The following HCN1 variants were observed in gnomAD, a reference collection of about 807,000 sequenced individuals.
The protein encoded by HCN1 is potassium/sodium hyperpolarization-activated cyclic nucleotide-gated channel 1.
A neutral mutation model predicts 78.9 loss-of-function variants in HCN1; 13 were observed. That is an observed-to-expected ratio of 0.16 (90% CI 0.11 to 0.26). HCN1 has a LOEUF of 0.26. Among genes scored for constraint, HCN1 ranks in the 10% least tolerant of loss-of-function variants. The pLI is 1.00. For synonymous variants in HCN1, 552 were observed against 455.5 expected (o/e 1.21, Z -2.70); for missense variants, 810 against 1,154.3 (o/e 0.70, Z 4.32).
intron 5 of HCN1, among the ~76,000 whole-genome samples, chr5:45,310,193 C>T (rs555955604): frequency 6.6e-6 from 1 of 152,172 alleles, no homozygotes; most frequent in South Asian, 2.1e-4. Flanking sequence ...AGAGCTTCTA[C>T]ACACCAAAAT....
intron 2 of HCN1, among the ~76,000 whole-genome samples, chr5:45,515,642 G>T (rs1016137017): frequency 6.6e-6 from 1 of 151,916 alleles, no homozygotes; most frequent in Non-Finnish European, 1.5e-5. Context: ...TTCCTGCAAT[G>T]ATACCATAAG....
At chr5:45,282,324 G>T (rs747662729) in intron 6 of HCN1, among the ~76,000 whole-genome samples, 2 of 152,098 alleles carry the variant, frequency 1.3e-5, no homozygotes, top group Non-Finnish European at 1.5e-5. Flanking sequence ...TTTCTTATAT[G>T]TTATCTTGAG....
chr5:45,275,918 G>A (rs562534025), intron 6 of HCN1, among the ~76,000 whole-genome samples: 3 of 152,066 alleles, frequency 2.0e-5, no homozygotes, highest in South Asian at 4.1e-4. Context: ...CACTCAAGTC[G>A]TCAAAAGTTA....
At chr5:45,475,904 GA>G (rs1474933808) in intron 2 of HCN1, among the ~76,000 whole-genome samples, 1 of 152,038 alleles carries the variant, frequency 6.6e-6, no homozygotes. Context: ...TCTTCAAAAA[GA>G]ATCAGCATTT....
At chr5:45,490,619 A>G (rs1462791229) in intron 2 of HCN1, among the ~76,000 whole-genome samples, 1 of 152,170 alleles carries the variant, frequency 6.6e-6, no homozygotes. Flanking sequence ...AATCATAAAT[A>G]TTAAAGTGTT....
rs1434721081 is a variant in HCN1 at position 45,256,430 on chromosome 5, A to G, written c.*5491T>C. 1 of 151,910 alleles carries G rather than the reference A, an allele frequency of 6.6e-6. No individual in the cohort carries two copies. The highest frequency in any genetic ancestry group is 1.9e-4 in the East Asian group (1 of 5,192). The allele number at this position is 151,910 out of a possible 1,614,324, so 9.4% of individuals were successfully genotyped here. On this transcript the variant is annotated 3_prime_UTR_variant, in exon 8 of 8. Transcript: ENST00000303230. Reference sequence around the variant, plus strand: ...GGGAGTAAATGGCCATTGATGTTACATTAGAAATATAATAGCTCCAAAGAA... The same window carrying G: ...GGGAGTAAATGGCCATTGATGTTACGTTAGAAATATAATAGCTCCAAAGAA...
chr5:45,431,802 T>C (rs756343778), intron 3 of HCN1, among the ~76,000 whole-genome samples: 1 of 152,152 alleles, frequency 6.6e-6, no homozygotes, highest in African/African-American at 2.4e-5. Context: ...TGTACCTTTT[T>C]TTGTAGCGCC....
intron 6 of HCN1, among the ~76,000 whole-genome samples, chr5:45,272,212 G>A (rs1744973722): frequency 6.6e-6 from 1 of 151,922 alleles, no homozygotes. Context: ...CCTTTGTTAG[G>A]TGTTACAGAG....
intron 2 of HCN1, chr5:45,558,555 A>T (rs1019254760): frequency 2.6e-5 from 4 of 152,158 alleles, no homozygotes; most frequent in African/African-American, 9.7e-5. Flanking sequence ...TTTGATAGGT[A>T]GAGAGAAATC....
At chr5:45,311,378 AC>A (rs1023688042) in intron 5 of HCN1, among the ~76,000 whole-genome samples, 11 of 152,312 alleles carry the variant, frequency 7.2e-5, no homozygotes, top group African/African-American at 2.4e-4. Context: ...TTCAAATGTT[AC>A]TATTTAAAAT....
chr5:45,270,887 G>T (rs1407400890), intron 6 of HCN1, among the ~76,000 whole-genome samples: 1 of 152,086 alleles, frequency 6.6e-6, no homozygotes, highest in African/African-American at 2.4e-5. Flanking sequence ...TATAAGTTTA[G>T]TCAAATTTTT....
At chr5:45,470,206 G>T (rs978914736) in intron 2 of HCN1, among the ~76,000 whole-genome samples, 2 of 151,938 alleles carry the variant, frequency 1.3e-5, no homozygotes, top group Non-Finnish European at 1.5e-5. Context: ...ATTTGAGTGG[G>T]TTTGTGTCAG....
chr5:45,683,811 C>T (rs1711616129), intron 1 of HCN1, among the ~76,000 whole-genome samples: 1 of 152,030 alleles, frequency 6.6e-6, no homozygotes, highest in South Asian at 2.1e-4. Context: ...GCTGGGACTA[C>T]AGGCATGCAT....
intron 3 of HCN1, among the ~76,000 whole-genome samples, chr5:45,445,681 G>C (rs1264984921): frequency 6.6e-6 from 1 of 152,126 alleles, no homozygotes; most frequent in South Asian, 2.1e-4. Context: ...GTACTCCTCT[G>C]AGACAAAACT....
At chr5:45,407,708 AT>A (rs1270631072) in intron 3 of HCN1, among the ~76,000 whole-genome samples, 1 of 151,842 alleles carries the variant, frequency 6.6e-6, no homozygotes, top group Non-Finnish European at 1.5e-5. Flanking sequence ...TTTAGTAGAG[AT>A]GGTGTTTTAC....
chr5:45,652,230 G>A (rs912025879), intron 1 of HCN1, among the ~76,000 whole-genome samples: 1 of 151,734 alleles, frequency 6.6e-6, no homozygotes, highest in Non-Finnish European at 1.5e-5. Context: ...TTAACCTTCT[G>A]TCAATATTAA....
chr5:45,373,522 T>C (rs1350591426), intron 4 of HCN1, among the ~76,000 whole-genome samples: 1 of 141,346 alleles, frequency 7.1e-6, no homozygotes, highest in African/African-American at 2.6e-5. Context: ...CTATAATATA[T>C]ATTACATACA....
rs182298924 is a variant in HCN1, at chr5:45,535,381, T to C, written c.850-73374A>G. Reference sequence around the variant, plus strand: ...GGGAGGCCAAGGTGGGCGGATCACTTGAAGTCAGGAGTTCGAGACCAGCAT... The same window carrying C: ...GGGAGGCCAAGGTGGGCGGATCACTCGAAGTCAGGAGTTCGAGACCAGCAT... On this transcript the variant is annotated intron_variant, in intron 2 of 7. Transcript: ENST00000303230. 8.7e-4 allele frequency among the ~76,000 whole-genome samples: 133 copies of C among 152,288 alleles called. 3 individuals carry two copies. In the East Asian group the frequency reaches 0.02, roughly 23 times the overall value.
At chr5:45,538,856 C>G (rs1204160908) in intron 2 of HCN1, among the ~76,000 whole-genome samples, 2 of 152,020 alleles carry the variant, frequency 1.3e-5, no homozygotes, top group African/African-American at 2.4e-5. Flanking sequence ...TAAAGTATTC[C>G]CTGGTCCTGG....
Sources: allele counts gnomAD v4.1 joint callset (sites outside exome capture counted in the v4.1 genomes callset), GRCh38; gene constraint gnomAD v4.1.1; transcripts MANE v1.5; gene names NCBI Gene and HGNC (gene_info 2026-07-23, HGNC 2026-07-21).